The following FBXL17 variants were observed in gnomAD, a reference collection of about 807,000 sequenced individuals.
FBXL17 encodes the protein F-box and leucine rich repeat protein 17.
Under a neutral mutation model 66.2 loss-of-function variants are expected in FBXL17, and 22 were observed. That is an observed-to-expected ratio of 0.33 (90% CI 0.24 to 0.47). FBXL17 has a LOEUF of 0.47. Among genes scored for constraint, FBXL17 ranks in the 20% least tolerant of loss-of-function variants. The probability of loss-of-function intolerance (pLI) is 1.00; values close to 1 mark genes in which losing one functional copy is unlikely to be tolerated. For missense variants in FBXL17, 878 were observed against 948.2 expected, an observed-to-expected ratio of 0.93 and a Z score of 0.97; for synonymous variants, 474 against 400.5, an observed-to-expected ratio of 1.18 and a Z score of -2.19.
At chr5:107,941,784 T>C (rs1299544541) in intron 7 of FBXL17, among the ~76,000 whole-genome samples, 2 of 152,164 alleles carry the variant, frequency 1.3e-5, no homozygotes, top group African/African-American at 4.8e-5. Flanking sequence ...AATAATTCAA[T>C]TCGAACCTAA....
Position 107,959,118 on chromosome 5 carries a change from C to T in FBXL17, c.1822+61807G>A, listed in dbSNP as rs565088531. On this transcript the variant is annotated intron_variant, in intron 7 of 8. Coordinates refer to ENST00000542267, the MANE Select transcript of FBXL17 (RefSeq NM_001163315.3). ...CACGCCATGATATTTCTGATGAGTG[C>T]TTGGGCCATGGAATTGTTCTCCTCA... Among the ~76,000 whole-genome samples, 4 of 152,054 alleles carry T rather than the reference C, an allele frequency of 2.6e-5. No homozygotes were observed. The East Asian group carries it at 7.8e-4, about 30-fold the overall frequency.
intron 7 of FBXL17, among the ~76,000 whole-genome samples, chr5:107,944,537 GA>G (rs1241799564): frequency 6.6e-6 from 1 of 152,050 alleles, no homozygotes; most frequent in South Asian, 2.1e-4. Context: ...GCCCTTAAAG[GA>G]AAAAGTTTAC....
At chr5:107,977,923 T>C (rs1752645738) in intron 7 of FBXL17, among the ~76,000 whole-genome samples, 1 of 152,098 alleles carries the variant, frequency 6.6e-6, no homozygotes, top group Admixed American at 6.5e-5. Context: ...TGGGCAGATG[T>C]AGGTTAGGAA....
intron 4 of FBXL17, among the ~76,000 whole-genome samples, chr5:108,321,430 G>A (rs1419739172): frequency 1.3e-5 from 2 of 151,680 alleles, no homozygotes; most frequent in African/African-American, 2.4e-5. Flanking sequence ...ATGAAAAAAT[G>A]GCCAGAAGAT....
chr5:108,368,176 G>A (rs748969559), intron 1 of FBXL17, among the ~76,000 whole-genome samples: 1 of 151,668 alleles, frequency 6.6e-6, no homozygotes, highest in Non-Finnish European at 1.5e-5. Context: ...AGGAGGGGAA[G>A]AGAACAGGCA....
chr5:108,061,421 G>C (rs1397822172), intron 6 of FBXL17, among the ~76,000 whole-genome samples: 1 of 152,132 alleles, frequency 6.6e-6, no homozygotes, highest in Non-Finnish European at 1.5e-5. Context: ...AGAGAAGAGA[G>C]AAAATGAGCA....
chr5:108,278,729 T>C (rs1413541960), intron 4 of FBXL17, among the ~76,000 whole-genome samples: 1 of 152,174 alleles, frequency 6.6e-6, no homozygotes, highest in African/African-American at 2.4e-5. Flanking sequence ...GACCCCACCC[T>C]CCCTGTGGCT....
At chr5:108,049,006 C>A (rs867052953) in intron 6 of FBXL17, among the ~76,000 whole-genome samples, 1 of 152,028 alleles carries the variant, frequency 6.6e-6, no homozygotes, top group East Asian at 1.9e-4. Flanking sequence ...ATCAGATTCT[C>A]CAAGGTTGAA....
chr5:108,340,525 A>G (rs1031490171), intron 4 of FBXL17, among the ~76,000 whole-genome samples: 2 of 152,192 alleles, frequency 1.3e-5, no homozygotes, highest in Admixed American at 6.5e-5. Context: ...ATTCTAGTTG[A>G]TCAGAACTGC....
Position 108,319,353 on chromosome 5 carries a change from T to A in FBXL17, c.1506+29046A>T, listed in dbSNP as rs558645455. Reference sequence around the variant, plus strand: ...TTACAACTACAGCAAAAGTTAAATATCTTATTTCTTGAATTAAAGCATTTG... The same window carrying A: ...TTACAACTACAGCAAAAGTTAAATAACTTATTTCTTGAATTAAAGCATTTG... On this transcript the variant is annotated intron_variant, in intron 4 of 8. Transcript: ENST00000542267. Among the ~76,000 whole-genome samples the A allele has an allele frequency of 2.0e-4, 30 of 151,990 alleles. 1 individual carries two copies. The South Asian group carries it at 5.6e-3, about 28-fold the overall frequency.
At chr5:108,232,248 T>C (rs1444486722) in intron 4 of FBXL17, among the ~76,000 whole-genome samples, 1 of 152,218 alleles carries the variant, frequency 6.6e-6, no homozygotes, top group Non-Finnish European at 1.5e-5. Flanking sequence ...GTTAACTTTA[T>C]GTAATGGTAT....
chr5:108,000,206 A>G (rs1295298153), intron 7 of FBXL17, among the ~76,000 whole-genome samples: 1 of 152,200 alleles, frequency 6.6e-6, no homozygotes, highest in Admixed American at 6.5e-5. Flanking sequence ...TATGTGAATA[A>G]TAATATCAAT....
intron 6 of FBXL17, among the ~76,000 whole-genome samples, chr5:108,126,521 T>C (rs374065666): frequency 6.6e-6 from 1 of 151,728 alleles, no homozygotes; most frequent in Non-Finnish European, 1.5e-5. Flanking sequence ...AAAGAAGAAA[T>C]TGACAGTTTA....
At chr5:108,265,173 T>C (rs1474724317) in intron 4 of FBXL17, among the ~76,000 whole-genome samples, 1 of 152,124 alleles carries the variant, frequency 6.6e-6, no homozygotes, top group Admixed American at 6.5e-5. Flanking sequence ...TTAGTTGCTT[T>C]GATTATATGA....
At chr5:108,024,006 C>A (rs1450986187) in intron 6 of FBXL17, among the ~76,000 whole-genome samples, 1 of 152,120 alleles carries the variant, frequency 6.6e-6, no homozygotes, top group African/African-American at 2.4e-5. Context: ...TCTGTAGGAG[C>A]AAGCCATGAG....
At chr5:108,352,690 T>G (rs1747729983) in intron 3 of FBXL17, among the ~76,000 whole-genome samples, 1 of 152,162 alleles carries the variant, frequency 6.6e-6, no homozygotes, top group Admixed American at 6.5e-5. Flanking sequence ...TTTGTATTTT[T>G]AGTAGACACG....
chr5:107,937,579 T>C (rs993936121), intron 7 of FBXL17, among the ~76,000 whole-genome samples: 1 of 152,158 alleles, frequency 6.6e-6, no homozygotes, highest in African/African-American at 2.4e-5. Flanking sequence ...AATTATTGTC[T>C]CTCCATTCTA....
At chr5:107,867,794 G>C (rs1050864356) in intron 8 of FBXL17, among the ~76,000 whole-genome samples, 5 of 152,168 alleles carry the variant, frequency 3.3e-5, no homozygotes, top group African/African-American at 1.2e-4. Context: ...GTAGTGTTTA[G>C]TATCTGGTGC....
chr5:108,241,357 G>A lies in FBXL17; in HGVS notation c.1507-17129C>T, dbSNP rs181005838. Among the ~76,000 whole-genome samples the A allele has an allele frequency of 3.3e-3, 497 of 152,146 alleles. 3 individuals are homozygous for A. The highest frequency in any genetic ancestry group is 0.012 in the African/African-American group (482 of 41,518). On this transcript the variant is annotated intron_variant, in intron 4 of 8. Coordinates refer to ENST00000542267, the MANE Select transcript of FBXL17 (RefSeq NM_001163315.3). ...ATTCTGGAGCTGAAAAATGCAATTGGCATACTGAAGAATGCATCTGAGTCT... is the reference window on the plus strand; with the variant it reads ...ATTCTGGAGCTGAAAAATGCAATTGACATACTGAAGAATGCATCTGAGTCT...
Sources: gnomAD v4.1 joint callset for allele counts (sites outside exome capture counted in the v4.1 genomes callset) on GRCh38, gnomAD v4.1.1 for gene constraint, MANE v1.5 for transcripts, NCBI Gene and HGNC (gene_info 2026-07-23, HGNC 2026-07-21) for gene names.